CD3E: variants seen among roughly 807,000 people sequenced by gnomAD.
CD3E encodes the protein T-cell surface glycoprotein CD3 epsilon chain.
A neutral mutation model predicts 34.7 loss-of-function variants in CD3E; 16 were observed. The ratio of observed to expected loss-of-function variants is 0.46; its 90% confidence interval spans 0.31 to 0.70. The LOEUF (loss-of-function observed/expected upper bound fraction) is 0.70. CD3E is among the 30% of genes least tolerant of loss of function. The probability of loss-of-function intolerance (pLI) is 0.05; values close to 1 mark genes in which losing one functional copy is unlikely to be tolerated. For synonymous variants in CD3E, 70 were observed against 90.8 expected (o/e 0.77, Z 1.30); for missense variants, 223 against 253.9 (o/e 0.88, Z 0.83).
At chr11:118,312,023 T>A (rs1302721127) in intron 4 of CD3E, 130 bp from the exon 5 acceptor site, 1 of 791,598 alleles carries the variant, frequency 1.3e-6, no homozygotes, top group African/African-American at 1.7e-5. Flanking sequence ...AGACTCGGGG[T>A]TCCTAAATGG....
At chr11:118,307,230 A>G (rs941116531) in intron 2 of CD3E, 58 bp from the exon 3 acceptor site, 13 of 1,366,578 alleles carry the variant, frequency 9.5e-6, no homozygotes, top group Non-Finnish European at 1.4e-5. Flanking sequence ...TTTTCTGTTT[A>G]GGAATGCAGG....
chr11:118,309,108 A>T (rs567121047), intron 4 of CD3E, among the ~76,000 whole-genome samples: 2 of 152,320 alleles, frequency 1.3e-5, no homozygotes, highest in South Asian at 4.1e-4. Flanking sequence ...AGAATGTTTG[A>T]ATCTTGGCTC....
chr11:118,308,385 G>T lies in CD3E; in HGVS notation c.71-42G>T, dbSNP rs201481472. On this transcript the variant is annotated intron_variant, in intron 3 of 8. Coordinates refer to ENST00000361763, the MANE Select transcript of CD3E (RefSeq NM_000733.4). ...GGAGCAGGGTCTGATCTTCATTGCC[G>T]ATAGAAACATTACTAATGGCTTCTT... The T allele has an allele frequency of 2.2e-5, 34 of 1,542,836 alleles. 1 individual carries two copies. In the Admixed American group the frequency reaches 5.6e-4, roughly 25 times the overall value.
chr11:118,308,287 C>A, intron 3 of CD3E, 140 bp from the exon 4 acceptor site: 2 of 731,062 alleles, frequency 2.7e-6, no homozygotes, highest in Non-Finnish European at 2.5e-6. Context: ...CCCATAACAG[C>A]TTTTTCTATG....
intron 2 of CD3E, among the ~76,000 whole-genome samples, chr11:118,306,624 C>T (rs1407886312): frequency 6.6e-6 from 1 of 152,044 alleles, no homozygotes; most frequent in Non-Finnish European, 1.5e-5. Context: ...ATCCTGTCTC[C>T]CCCTGTGTAG....
chr11:118,311,054 T>C (rs911209468), intron 4 of CD3E, among the ~76,000 whole-genome samples: 1 of 152,222 alleles, frequency 6.6e-6, no homozygotes, highest in Non-Finnish European at 1.5e-5. Flanking sequence ...TCATAATCCA[T>C]TTAATTTTCG....
At chr11:118,305,047 G>A in intron 2 of CD3E, 46 bp downstream of exon 2, 1 of 1,549,364 alleles carries the variant, frequency 6.5e-7, no homozygotes, top group Non-Finnish European at 8.9e-7. Flanking sequence ...CAGACCGCTG[G>A]AAGGCTTACA....
rs199578380 is a variant in CD3E at position 118,313,862 on chromosome 11, G to T, written c.508G>T (p.Gly170Cys). The change falls in exon 7 of 9, where the codon GGC becomes TGC. Residue 170 changes from glycine (G) to cysteine (C), a missense_variant. By Grantham distance (159) the Gly-to-Cys change is radical (BLOSUM62 -3). Coordinates refer to ENST00000361763, the MANE Select transcript of CD3E (RefSeq NM_000733.4). ...TGTGACACGAGGAGCGGGTGCTGGCGGCAGGCAAAGGGGTAAGGCTGTGGA... is the reference window on the plus strand; with the variant it reads ...TGTGACACGAGGAGCGGGTGCTGGCTGCAGGCAAAGGGGTAAGGCTGTGGA... The part of the protein sequence containing the change: ...KPVTRGAGAG[G>C]RQRGQNKERP... 13 of 1,613,100 alleles carry T rather than the reference G, an allele frequency of 8.1e-6. 3 individuals are homozygous for T. In the South Asian group the frequency reaches 1.4e-4, roughly 18 times the overall value.
chr11:118,313,447 A>T, intron 6 of CD3E: 1 of 507,400 alleles, frequency 2.0e-6, no homozygotes, highest in Non-Finnish European at 3.6e-6. Flanking sequence ...TGAGTTGAAA[A>T]CACATTTCAC....
intron 6 of CD3E, chr11:118,313,431 G>C: frequency 2.1e-6 from 1 of 483,424 alleles, no homozygotes; most frequent in Non-Finnish European, 3.8e-6. Flanking sequence ...GGAAACAGAG[G>C]GTTTGTGAGT....
intron 8 of CD3E, among the ~76,000 whole-genome samples, chr11:118,314,964 C>CACACACACACACACACAT (rs1402578586): frequency 2.3e-4 from 4 of 17,572 alleles, no homozygotes; most frequent in Non-Finnish European, 5.3e-4. Flanking sequence ...CACACATACA[C>CACACACACACACACACAT]ACACACACAC....
At chr11:118,311,898 T>G (rs909505642) in intron 4 of CD3E, among the ~76,000 whole-genome samples, 2 of 152,226 alleles carry the variant, frequency 1.3e-5, no homozygotes, top group African/African-American at 4.8e-5. Flanking sequence ...GATCTAGATC[T>G]AGGAGCTCAT....
intron 5 of CD3E, 24 bp from the exon 6 acceptor site, chr11:118,312,593 GC>G (rs1424131601): frequency 6.2e-7 from 1 of 1,613,630 alleles, no homozygotes; most frequent in Non-Finnish European, 8.5e-7. Flanking sequence ...GGTTTCTTCT[GC>G]CAATTTCCCT....
chr11:118,309,593 A>C (rs567077709), intron 4 of CD3E, among the ~76,000 whole-genome samples: 9 of 152,210 alleles, frequency 5.9e-5, no homozygotes, highest in Non-Finnish European at 1.3e-4. Context: ...ACAAACAAAC[A>C]AACAGACAGT....
At chr11:118,311,500 T>C (rs1948135427) in intron 4 of CD3E, among the ~76,000 whole-genome samples, 1 of 152,230 alleles carries the variant, frequency 6.6e-6, no homozygotes, top group Non-Finnish European at 1.5e-5. Flanking sequence ...CCACTTTTTA[T>C]TGGAAGAAGC....
At position 118,312,443 on chromosome 11, in the gene CD3E, C is replaced by T. The variant is rs576453332; in HGVS notation, c.104-175C>T. The T allele has an allele frequency of 1.0e-5, 8 of 794,532 alleles. No homozygotes were observed. The African/African-American group carries it at 1.4e-4, about 14-fold the overall frequency. The allele number at this position is 794,532 out of a possible 1,614,324, so 49.2% of individuals were successfully genotyped here. A position where few individuals can be genotyped will look rare whatever the true frequency, so the allele number is the denominator to read the frequency against. ...CCCTTCAAGGTTCTCTAGTTCCCTT[C>T]ATTCCACATATCTCCTCTTCCACAC... On this transcript the variant is annotated intron_variant, in intron 5 of 8. Coordinates refer to ENST00000361763, the MANE Select transcript of CD3E (RefSeq NM_000733.4).
At chr11:118,305,860 T>G (rs1360068766) in intron 2 of CD3E, among the ~76,000 whole-genome samples, 1 of 152,216 alleles carries the variant, frequency 6.6e-6, no homozygotes, top group Non-Finnish European at 1.5e-5. Flanking sequence ...GATGGTTTTA[T>G]TTCAAAGACC....
chr11:118,313,949 G>C, intron 7 of CD3E, 75 bp downstream of exon 7: 1 of 1,478,264 alleles, frequency 6.8e-7, no homozygotes, highest in South Asian at 1.2e-5. Flanking sequence ...TGGGTGGCAA[G>C]TCCACAGCTA....
At chr11:118,312,925 G>A (rs772079517) in intron 6 of CD3E, 59 bp downstream of exon 6, 1 of 1,603,026 alleles carries the variant, frequency 6.2e-7, no homozygotes, top group South Asian at 1.1e-5. Flanking sequence ...ATTCAAAAGG[G>A]CATTCTCAGT....
Sources: gnomAD v4.1 joint callset for allele counts (sites outside exome capture counted in the v4.1 genomes callset) on GRCh38, gnomAD v4.1.1 for gene constraint, MANE v1.5 for transcripts, NCBI Gene and HGNC (gene_info 2026-07-23, HGNC 2026-07-21) for gene names.